Variants in TANC1 observed in about 807,000 individuals in gnomAD.
TANC1 encodes the protein tetratricopeptide repeat, ankyrin repeat and coiled-coil containing 1, also known as protein TANC1.
Under a neutral mutation model 149.7 loss-of-function variants are expected in TANC1, and 77 were observed. The ratio of observed to expected loss-of-function variants is 0.51; its 90% CI spans 0.43 to 0.62. The LOEUF is 0.62. TANC1 is among the 20% of genes least tolerant of loss of function. The probability of loss-of-function intolerance (pLI) is 0.00; values close to 1 mark genes in which losing one functional copy is unlikely to be tolerated. For synonymous variants in TANC1, 854 were observed against 925.0 expected, an observed-to-expected ratio of 0.92 and a Z score of 1.39; for missense variants, 1,985 against 2,321.8, an observed-to-expected ratio of 0.85 and a Z score of 2.98.
chr2:159,170,827 T>C, intron 10 of TANC1, 22 bp downstream of exon 10: 1 of 1,607,546 alleles, frequency 6.2e-7, no homozygotes, highest in East Asian at 2.2e-5. Context: ...TTTAATTACT[T>C]GTCTAGTTTA....
At position 159,230,784 on chromosome 2, in the gene TANC1, TGTTTCTACCC is replaced by T; in HGVS notation, c.5359_5368del (p.Val1787Ter). 6.2e-7 allele frequency: 1 copy of T among 1,614,236 alleles called. No homozygotes were observed. Among genetic ancestry groups the T allele is most frequent in the Non-Finnish European group, 8.5e-7 (1 of 1,180,046 alleles). On this transcript the variant is annotated frameshift_variant, in exon 27 of 27. Transcript: ENST00000263635. LOFTEE classifies it high-confidence loss of function. The surrounding 1 kb of genome is among the most constrained non-coding windows in gnomAD (Gnocchi z 4.4). ...ATAATAACCAAGCCAAAACCTGTTC[TGTTTCTACCC>T]TGAGTGCAAGTGTCCACAATGGGGC...
chr2:159,115,467 C>G (rs1026000253), intron 4 of TANC1, among the ~76,000 whole-genome samples: 1 of 152,008 alleles, frequency 6.6e-6, no homozygotes, highest in Admixed American at 6.6e-5. Flanking sequence ...GTTGTGGTGA[C>G]CTGTTTGTAC....
intron 2 of TANC1, among the ~76,000 whole-genome samples, chr2:159,052,761 C>A (rs1314645516): frequency 6.6e-6 from 1 of 152,168 alleles, no homozygotes; most frequent in Non-Finnish European, 1.5e-5. Flanking sequence ...GGACATGTAA[C>A]TTTGTCACAT....
At chr2:159,106,379 C>T (rs759704489) in intron 4 of TANC1, among the ~76,000 whole-genome samples, 11 of 152,146 alleles carry the variant, frequency 7.2e-5, no homozygotes, top group Non-Finnish European at 1.3e-4. Flanking sequence ...TCTTGATTTG[C>T]TTATTCTGGT....
intron 4 of TANC1, among the ~76,000 whole-genome samples, chr2:159,118,245 T>G (rs1361891411): frequency 6.6e-6 from 1 of 152,210 alleles, no homozygotes; most frequent in Non-Finnish European, 1.5e-5. Flanking sequence ...CGCATTTGTA[T>G]GCATGCATAG....
chr2:159,006,818 A>G (rs550701660), intron 2 of TANC1, among the ~76,000 whole-genome samples: 31 of 152,318 alleles, frequency 2.0e-4, no homozygotes, highest in Admixed American at 2.0e-3. Context: ...TTTGGAGAGT[A>G]AACCGAAAAG....
intron 2 of TANC1, among the ~76,000 whole-genome samples, chr2:159,025,189 T>TTTTCTTCCTTTCTTTCTTTCTTTC: frequency 9.5e-6 from 1 of 105,286 alleles, no homozygotes; most frequent in East Asian, 2.7e-4. Context: ...TTTTTCTTTC[T>TTTTCTTCCTTTCTTTCTTTCTTTC]TTTCTTTCTT....
At chr2:159,008,347 G>A (rs1004190205) in intron 2 of TANC1, among the ~76,000 whole-genome samples, 5 of 152,166 alleles carry the variant, frequency 3.3e-5, no homozygotes, top group Admixed American at 3.3e-4. Context: ...GGCTTTTGGT[G>A]TAAGCCATCA....
At chr2:159,219,486 T>C (rs1378190086) in intron 21 of TANC1, 125 bp downstream of exon 21, 3 of 1,406,710 alleles carry the variant, frequency 2.1e-6, no homozygotes, top group Non-Finnish European at 3.0e-6. Flanking sequence ...TAATAAACAG[T>C]AGAGAGAATA....
chr2:159,021,785 C>T (rs1319057329), intron 2 of TANC1, among the ~76,000 whole-genome samples: 1 of 152,092 alleles, frequency 6.6e-6, no homozygotes, highest in African/African-American at 2.4e-5. Flanking sequence ...AACTTTCAGT[C>T]TTTTCTGCTT....
intron 4 of TANC1, among the ~76,000 whole-genome samples, chr2:159,118,841 C>T (rs193102990): frequency 6.6e-6 from 1 of 152,136 alleles, no homozygotes; most frequent in Non-Finnish European, 1.5e-5. Context: ...GCATGCTGTT[C>T]GAGTAGCTAA....
At position 159,196,643 on chromosome 2, in the gene TANC1, T is replaced by A; in HGVS notation, c.3015T>A (p.Leu1005=). 6.2e-7 allele frequency: 1 copy of A among 1,612,084 alleles called. No individual in the cohort carries two copies. Residue 1005 remains leucine (L), a synonymous_variant, in exon 18 of 27, where the codon CTT becomes CTA. Transcript: ENST00000263635. ...DHLDKKGQCA[L]VHSALRGHGD... is the part of the protein sequence containing the mutation. ...TGGATAAGAAGGGCCAGTGTGCGCTTGTCCACAGTGCCCTACGGGGCCACG... is the reference window on the plus strand; with the variant it reads ...TGGATAAGAAGGGCCAGTGTGCGCTAGTCCACAGTGCCCTACGGGGCCACG...
intron 3 of TANC1, among the ~76,000 whole-genome samples, chr2:159,096,305 T>TTC (rs1271411632): frequency 6.6e-6 from 1 of 151,670 alleles, no homozygotes; most frequent in Non-Finnish European, 1.5e-5. Flanking sequence ...TTTTTTTTTT[T>TTC]TTTTTTGGGA....
intron 4 of TANC1, among the ~76,000 whole-genome samples, chr2:159,130,477 G>C (rs1211755680): frequency 1.3e-5 from 2 of 152,104 alleles, no homozygotes; most frequent in East Asian, 3.9e-4. Flanking sequence ...TGCTTTATGT[G>C]GGGGAGTGTT....
chr2:159,065,794 G>A (rs2042604339), intron 2 of TANC1, 102 bp from the exon 3 acceptor site: 4 of 824,460 alleles, frequency 4.9e-6, no homozygotes, highest in Admixed American at 2.1e-5. Context: ...AATATTAAGC[G>A]GTCTGTTTGT....
At position 159,080,288 on chromosome 2, in the gene TANC1, G is replaced by T. The variant is rs574958709; in HGVS notation, c.61+14317G>T. Among the ~76,000 whole-genome samples the T allele has an allele frequency of 2.6e-5, 4 of 151,806 alleles. No homozygotes were observed. The South Asian group carries it at 6.3e-4, about 24-fold the overall frequency. On this transcript the variant is annotated intron_variant, in intron 3 of 26. Coordinates refer to ENST00000263635, the MANE Select transcript of TANC1 (RefSeq NM_033394.3). ...ACCCCTCAGGGTGGTTTCCCTACCA[G>T]TCAGGCTTACTGCTTCTAGAAGAGA...
chr2:159,230,441 G>A lies in TANC1; in HGVS notation c.5015G>A (p.Ser1672Asn). The A allele has an allele frequency of 1.2e-6, 2 of 1,614,192 alleles. No homozygotes were observed. Among genetic ancestry groups the A allele is most frequent in the Non-Finnish European group, 1.7e-6 (2 of 1,180,048 alleles). The change falls in exon 27 of 27, where the codon AGC (serine) becomes AAC (asparagine). Residue 1672 changes from serine to asparagine, a missense_variant. Transcript: ENST00000263635. This position sits in a 1 kb window ranked among gnomAD's most constrained non-coding sequence, Gnocchi z 4.4. ...GGCTCTTCTGGTTCTCCATCCAGCA[G>A]CATAAAGATGTCAAGTTCAACCAGT... ...SSGSSGSPSS[S>N]IKMSSSTSSL... is the part of the protein sequence containing the mutation.
At chr2:159,127,908 T>A (rs1355798114) in intron 4 of TANC1, among the ~76,000 whole-genome samples, 1 of 152,232 alleles carries the variant, frequency 6.6e-6, no homozygotes, top group Non-Finnish European at 1.5e-5. Context: ...TGATATACTG[T>A]TTTCCTACCA....
intron 7 of TANC1, among the ~76,000 whole-genome samples, chr2:159,153,044 T>C (rs1305670392): frequency 2.0e-5 from 3 of 152,222 alleles, no homozygotes; most frequent in Non-Finnish European, 4.4e-5. Context: ...GTATTTGTTC[T>C]TGTTTTGTTA....
Sources: allele counts gnomAD v4.1 joint callset (sites outside exome capture counted in the v4.1 genomes callset), GRCh38; gene constraint gnomAD v4.1.1; non-coding constraint Gnocchi (gnomAD v3.1); transcripts MANE v1.5; gene names NCBI Gene and HGNC (gene_info 2026-07-23, HGNC 2026-07-21).